Variants in RALYL observed in about 807,000 individuals in gnomAD.
RALYL encodes RALY RNA binding protein like, also known as RNA-binding Raly-like protein.
A neutral mutation model predicts 35.1 loss-of-function variants in RALYL; 29 were observed. The ratio of observed to expected loss-of-function variants is 0.83; its 90% CI spans 0.61 to 1.13. The LOEUF (loss-of-function observed/expected upper bound fraction) is 1.13. Ranked by LOEUF, RALYL falls within the 50% of genes most tolerant of loss-of-function variation. The pLI is 0.00. For synonymous variants in RALYL, 120 were observed against 127.6 expected (o/e 0.94, Z 0.40); for missense variants, 359 against 360.4 (o/e 1.00, Z 0.03).
chr8:84,187,095 G>A (rs1812726251), intron 1 of RALYL, among the ~76,000 whole-genome samples: 1 of 152,076 alleles, frequency 6.6e-6, no homozygotes, highest in African/African-American at 2.4e-5. Flanking sequence ...AGGTAAAGGT[G>A]GGGACTGAGG....
intron 4 of RALYL, among the ~76,000 whole-genome samples, chr8:84,805,615 C>T (rs539926414): frequency 3.9e-5 from 6 of 152,204 alleles, no homozygotes; most frequent in Admixed American, 3.3e-4. Context: ...ACCTGGGAGG[C>T]AGAAGTTGCA....
chr8:84,273,826 G>T (rs545401219), intron 1 of RALYL, among the ~76,000 whole-genome samples: 1 of 152,292 alleles, frequency 6.6e-6, no homozygotes, highest in African/African-American at 2.4e-5. Context: ...CTCAAGGGGA[G>T]GAATGAGAAG....
intron 1 of RALYL, among the ~76,000 whole-genome samples, chr8:84,429,109 G>A (rs1398680472): frequency 6.6e-6 from 1 of 152,132 alleles, no homozygotes; most frequent in Non-Finnish European, 1.5e-5. Flanking sequence ...GAAATGCTGA[G>A]TGAGAGGTAC....
intron 2 of RALYL, among the ~76,000 whole-genome samples, chr8:84,761,435 A>G (rs927756488): frequency 1.3e-5 from 2 of 152,104 alleles, no homozygotes; most frequent in African/African-American, 4.8e-5. Context: ...TTACACTTTA[A>G]ATATGTTTAT....
intron 2 of RALYL, among the ~76,000 whole-genome samples, chr8:84,736,826 A>G (rs987074791): frequency 3.3e-5 from 5 of 152,018 alleles, no homozygotes; most frequent in African/African-American, 9.7e-5. Flanking sequence ...TCTTATTGTT[A>G]TCTACTTCAT....
intron 1 of RALYL, among the ~76,000 whole-genome samples, chr8:84,462,280 A>G (rs2050891245): frequency 6.6e-6 from 1 of 151,396 alleles, no homozygotes. Context: ...TCCATGTTTT[A>G]ATTAGATTGT....
chr8:84,321,409 A>C (rs550452848), intron 1 of RALYL, among the ~76,000 whole-genome samples: 250 of 152,280 alleles, frequency 1.6e-3, no homozygotes, highest in African/African-American at 5.8e-3. Flanking sequence ...GCTTACTTGA[A>C]GCAGAAGCCA....
intron 1 of RALYL, among the ~76,000 whole-genome samples, chr8:84,202,496 C>T (rs1316383968): frequency 1.3e-5 from 2 of 151,650 alleles, no homozygotes; most frequent in South Asian, 2.1e-4. Flanking sequence ...CTCAGCCTCC[C>T]GAGTGGCTGG....
At chr8:84,516,932 A>G (rs1219305270) in intron 1 of RALYL, among the ~76,000 whole-genome samples, 1 of 152,238 alleles carries the variant, frequency 6.6e-6, no homozygotes, top group Non-Finnish European at 1.5e-5. Flanking sequence ...GAAGTTAATA[A>G]GACATACATT....
intron 1 of RALYL, among the ~76,000 whole-genome samples, chr8:84,235,790 C>T (rs1184998651): frequency 9.8e-5 from 12 of 122,930 alleles, no homozygotes; most frequent in Non-Finnish European, 1.8e-4. Context: ...TTTTTTGAGA[C>T]AGAGTCTCAT....
At chr8:84,914,090 A>C (rs888745487) in intron 8 of RALYL, among the ~76,000 whole-genome samples, 1 of 152,032 alleles carries the variant, frequency 6.6e-6, no homozygotes, top group Non-Finnish European at 1.5e-5. Flanking sequence ...AAAGCAATTA[A>C]TTCCAAATAA....
chr8:84,202,247 A>G (rs1427949267), intron 1 of RALYL, among the ~76,000 whole-genome samples: 2 of 151,898 alleles, frequency 1.3e-5, no homozygotes, highest in Non-Finnish European at 1.5e-5. Context: ...CCTAGTCTTC[A>G]TCTAAAGGAC....
intron 2 of RALYL, among the ~76,000 whole-genome samples, chr8:84,767,721 G>A (rs562976307): frequency 2.0e-5 from 3 of 152,218 alleles, no homozygotes; most frequent in Admixed American, 2.0e-4. Context: ...ACGCAGATGT[G>A]ATGTGTAGTG....
intron 1 of RALYL, among the ~76,000 whole-genome samples, chr8:84,227,705 CT>C (rs1237236925): frequency 1.3e-5 from 2 of 152,126 alleles, no homozygotes; most frequent in Non-Finnish European, 2.9e-5. Context: ...CCTGACTCCC[CT>C]GTTACTATTA....
chr8:84,274,454 A>C (rs1050700346), intron 1 of RALYL, among the ~76,000 whole-genome samples: 6 of 152,176 alleles, frequency 3.9e-5, no homozygotes, highest in Non-Finnish European at 7.4e-5. Flanking sequence ...GTGCCCTGAA[A>C]CTAAGTTATT....
intron 1 of RALYL, among the ~76,000 whole-genome samples, chr8:84,448,840 A>G (rs1023506815): frequency 2.0e-5 from 3 of 152,020 alleles, no homozygotes; most frequent in African/African-American, 7.2e-5. Flanking sequence ...CCTGTTTGGT[A>G]TAGAGTAGGT....
chr8:84,844,261 C>G (rs1296317166), intron 4 of RALYL, among the ~76,000 whole-genome samples: 1 of 152,142 alleles, frequency 6.6e-6, no homozygotes, highest in African/African-American at 2.4e-5. Context: ...TGAACTCAAA[C>G]AAATTTACAA....
chr8:84,365,333 A>G (rs1416859946), intron 1 of RALYL, among the ~76,000 whole-genome samples: 1 of 152,126 alleles, frequency 6.6e-6, no homozygotes, highest in Admixed American at 6.6e-5. Context: ...CCAGCTAAAC[A>G]TGTTTTTCCT....
intron 2 of RALYL, among the ~76,000 whole-genome samples, chr8:84,583,543 A>ATGAC (rs1305611205): frequency 2.0e-5 from 3 of 152,140 alleles, no homozygotes; most frequent in African/African-American, 4.8e-5. Flanking sequence ...AATTTTTGGA[A>ATGAC]TGACTAAGAT....
Sources: allele counts gnomAD v4.1 joint callset (sites outside exome capture counted in the v4.1 genomes callset), GRCh38; gene constraint gnomAD v4.1.1; transcripts MANE v1.5; gene names NCBI Gene and HGNC (gene_info 2026-07-23, HGNC 2026-07-21).